The following SP100 variants were observed in gnomAD, a reference collection of about 807,000 sequenced individuals.
SP100 encodes nuclear autoantigen Sp-100.
A neutral mutation model predicts 130.0 loss-of-function variants in SP100; 84 were observed. The ratio of observed to expected loss-of-function variants is 0.65; its 90% CI spans 0.54 to 0.77. The LOEUF is 0.77. SP100 is among the 30% of genes least tolerant of loss of function. The pLI is 0.00. For missense variants in SP100, 978 were observed against 1,052.2 expected, an observed-to-expected ratio of 0.93 and a Z score of 0.97; for synonymous variants, 331 against 351.7, an observed-to-expected ratio of 0.94 and a Z score of 0.66.
At position 230,541,927 on chromosome 2, in the gene SP100, G is replaced by C; in HGVS notation, c.2439G>C (p.Met813Ile). ...GGTCTCAGGGCCCACAGAAGCCCAT[G>C]TGGTTAAACAAAGTCAAGACAAGTT... ...REGSQGPQKP[M>I]WLNKVKTSLN... Residue 813 changes from methionine (M) to isoleucine (I), a missense_variant, in exon 28 of 29, where the codon ATG (methionine) becomes ATC (isoleucine). Physicochemically the swap from Met to Ile is conservative, Grantham distance 10. Transcript: ENST00000340126. The C allele has an allele frequency of 6.2e-7, 1 of 1,614,162 alleles. No homozygotes were observed. Among genetic ancestry groups the C allele is most frequent in the Non-Finnish European group, 8.5e-7 (1 of 1,179,980 alleles).
At chr2:230,445,196 A>G (rs1456786974) in intron 4 of SP100, among the ~76,000 whole-genome samples, 1 of 152,236 alleles carries the variant, frequency 6.6e-6, no homozygotes, top group Admixed American at 6.5e-5. Context: ...AAAATGGTAC[A>G]CGTTAAAGAC....
chr2:230,456,374 A>G (rs1035882947), intron 8 of SP100, among the ~76,000 whole-genome samples: 11 of 152,098 alleles, frequency 7.2e-5, no homozygotes, highest in Admixed American at 3.9e-4. Flanking sequence ...GCTTGATTAT[A>G]GTATGTTTTG....
chr2:230,464,849 T>G (rs1485148370), intron 11 of SP100, among the ~76,000 whole-genome samples: 1 of 152,110 alleles, frequency 6.6e-6, no homozygotes, highest in Non-Finnish European at 1.5e-5. Flanking sequence ...TCCCAGCACT[T>G]TGGGAGGCTA....
chr2:230,462,380 A>G, intron 9 of SP100, 55 bp from the exon 10 acceptor site: 1 of 1,373,466 alleles, frequency 7.3e-7, no homozygotes. Flanking sequence ...TTCCTGGTGC[A>G]TGGACTCCTT....
intron 20 of SP100, 95 bp downstream of exon 20, chr2:230,503,205 A>G (rs2067134263): frequency 1.1e-6 from 1 of 875,176 alleles, no homozygotes; most frequent in Non-Finnish European, 1.8e-6. Context: ...TAATTGGCAT[A>G]TGGAGCTAGT....
At chr2:230,470,945 TATAC>T (rs74270932) in intron 15 of SP100, among the ~76,000 whole-genome samples, 35,111 of 148,524 alleles carry the variant, frequency 0.24, 4,973 homozygotes, top group South Asian at 0.34. Context: ...ATATAACATG[TATAC>T]ATACATAAAC....
At chr2:230,542,357 G>A (rs1692211881) in intron 28 of SP100, among the ~76,000 whole-genome samples, 1 of 152,090 alleles carries the variant, frequency 6.6e-6, no homozygotes, top group African/African-American at 2.4e-5. Context: ...CACTTTAAAG[G>A]CATTTAAAGT....
intron 1 of SP100, chr2:230,416,891 G>A (rs574358141): frequency 3.7e-5 from 36 of 985,346 alleles, no homozygotes; most frequent in South Asian, 4.7e-5. Flanking sequence ...GGTGACAAAC[G>A]GCTAAATATT....
chr2:230,462,859 G>A (rs2064732770), intron 10 of SP100, among the ~76,000 whole-genome samples: 1 of 152,184 alleles, frequency 6.6e-6, no homozygotes, highest in South Asian at 2.1e-4. Context: ...GATTTATATA[G>A]TGATTTTTAT....
At chr2:230,477,990 CAG>C (rs2065652342) in intron 17 of SP100, among the ~76,000 whole-genome samples, 1 of 143,998 alleles carries the variant, frequency 6.9e-6, no homozygotes, top group African/African-American at 2.6e-5. Flanking sequence ...TTGGGAAGAA[CAG>C]AGACTTTTAC....
intron 24 of SP100, chr2:230,515,605 C>A (rs781701641): frequency 1.9e-6 from 3 of 1,602,638 alleles, no homozygotes; most frequent in Non-Finnish European, 2.6e-6. Context: ...AGAGGATGAA[C>A]AAGAGGAGGA....
chr2:230,541,663 GAGA>G (rs1384523853), intron 27 of SP100, among the ~76,000 whole-genome samples: 1 of 152,156 alleles, frequency 6.6e-6, no homozygotes, highest in South Asian at 2.1e-4. Flanking sequence ...GTGGCAGAAA[GAGA>G]AGGAGAGAAC....
intron 15 of SP100, among the ~76,000 whole-genome samples, chr2:230,470,957 A>C (rs1166243838): frequency 1.5e-5 from 2 of 136,984 alleles, no homozygotes; most frequent in African/African-American, 5.2e-5. Flanking sequence ...TACATACATA[A>C]ACACACACAT....
At chr2:230,476,572 T>C (rs2065560108) in intron 17 of SP100, among the ~76,000 whole-genome samples, 1 of 152,212 alleles carries the variant, frequency 6.6e-6, no homozygotes, top group Non-Finnish European at 1.5e-5. Context: ...TGAACATTGG[T>C]GTCTATCTTT....
intron 17 of SP100, among the ~76,000 whole-genome samples, chr2:230,482,092 T>G (rs868199301): frequency 1.3e-5 from 2 of 152,212 alleles, no homozygotes; most frequent in African/African-American, 2.4e-5. Flanking sequence ...CCTTTTGACC[T>G]GTCTTTTCAC....
At chr2:230,513,052 G>A (rs891886750) in intron 24 of SP100, among the ~76,000 whole-genome samples, 2 of 152,166 alleles carry the variant, frequency 1.3e-5, no homozygotes, top group Non-Finnish European at 2.9e-5. Flanking sequence ...TACAGATGAA[G>A]TTTCACTCAC....
Position 230,417,647 on chromosome 2 carries a change from AC to A in SP100, c.90del (p.His30GlnfsTer15). The A allele has an allele frequency of 6.2e-7, 1 of 1,612,934 alleles. No individual in the cohort carries two copies. Among genetic ancestry groups the A allele is most frequent in the Non-Finnish European group, 8.5e-7 (1 of 1,179,656 alleles). The part of the protein sequence containing the change: ...VANEMNHLPA[H>X]SHDLQRMFTE... ...AATGAGATGAACCATCTTCCTGCAC[AC>A]AGCCACGATTTGCAAAGGTGATGAA... On this transcript the variant is annotated frameshift_variant, in exon 2 of 29. Transcript: ENST00000340126. LOFTEE classifies it high-confidence loss of function.
At chr2:230,482,806 G>A (rs181874353) in intron 17 of SP100, among the ~76,000 whole-genome samples, 14 of 151,926 alleles carry the variant, frequency 9.2e-5, no homozygotes, top group Admixed American at 2.0e-4. Flanking sequence ...ATTTTATAAC[G>A]TATTAATATC....
At chr2:230,517,109 A>G (rs1690958184) in intron 24 of SP100, among the ~76,000 whole-genome samples, 1 of 152,174 alleles carries the variant, frequency 6.6e-6, no homozygotes, top group Non-Finnish European at 1.5e-5. Flanking sequence ...TTTCTCCCAT[A>G]CAATTTACCA....
Sources: gnomAD v4.1 joint callset for allele counts (sites outside exome capture counted in the v4.1 genomes callset) on GRCh38, gnomAD v4.1.1 for gene constraint, MANE v1.5 for transcripts, NCBI Gene and HGNC (gene_info 2026-07-23, HGNC 2026-07-21) for gene names.